Variants in RABGAP1L observed in about 807,000 individuals in gnomAD.
RABGAP1L encodes the protein RAB GTPase activating protein 1 like.
RABGAP1L carries 63 observed loss-of-function variants against 137.7 expected under a neutral mutation model. That is an observed-to-expected ratio of 0.46 (90% confidence interval 0.37 to 0.56). The LOEUF (loss-of-function observed/expected upper bound fraction) is 0.56. Among genes scored for constraint, RABGAP1L ranks in the 20% least tolerant of loss-of-function variants. RABGAP1L has a pLI of 0.00. For missense variants in RABGAP1L, 1,095 were observed against 1,244.0 expected (o/e 0.88, Z 1.80); for synonymous variants, 431 against 433.7 (o/e 0.99, Z 0.08).
At chr1:174,623,193 A>G (rs575187051) in intron 13 of RABGAP1L, among the ~76,000 whole-genome samples, 3 of 152,214 alleles carry the variant, frequency 2.0e-5, no homozygotes, top group South Asian at 2.1e-4. Flanking sequence ...TATGAATAAT[A>G]TTTTGTTAAT....
chr1:174,585,252 T>G (rs1179421461), intron 13 of RABGAP1L, among the ~76,000 whole-genome samples: 2 of 152,194 alleles, frequency 1.3e-5, no homozygotes, highest in Non-Finnish European at 2.9e-5. Flanking sequence ...GTATTGATTC[T>G]AGGGCAATAC....
intron 19 of RABGAP1L, among the ~76,000 whole-genome samples, chr1:174,868,921 G>A (rs967460263): frequency 1.3e-5 from 2 of 151,768 alleles, no homozygotes; most frequent in African/African-American, 4.8e-5. Flanking sequence ...AGATTTAGTT[G>A]TTTATGGAAA....
chr1:174,454,223 A>G (rs1334439705), intron 13 of RABGAP1L, among the ~76,000 whole-genome samples: 1 of 151,926 alleles, frequency 6.6e-6, no homozygotes, highest in South Asian at 2.1e-4. Flanking sequence ...AGATCGCACC[A>G]CTGCACTCCA....
chr1:174,779,850 G>C (rs1686818994), intron 18 of RABGAP1L, among the ~76,000 whole-genome samples: 1 of 151,946 alleles, frequency 6.6e-6, no homozygotes, highest in African/African-American at 2.4e-5. Context: ...TGGATCACCT[G>C]AGGTCAGGAG....
intron 17 of RABGAP1L, among the ~76,000 whole-genome samples, chr1:174,746,779 T>G (rs141915768): frequency 0.026 from 3,890 of 152,368 alleles, 70 homozygotes; most frequent in Non-Finnish European, 0.037. Flanking sequence ...TTGATTTCTC[T>G]AAATCTTGAT....
At chr1:174,550,985 T>TATATATATACATATGTATATATAC (rs1558334277) in intron 13 of RABGAP1L, among the ~76,000 whole-genome samples, 5 of 92,680 alleles carry the variant, frequency 5.4e-5, no homozygotes, top group African/African-American at 4.2e-4. Context: ...TATATATACA[T>TATATATATACATATGTATATATAC]ATATATATAT....
Position 174,250,522 on chromosome 1 carries a change from C to T in RABGAP1L, c.765C>T (p.Ser255=), listed in dbSNP as rs947266027. The T allele has an allele frequency of 6.8e-6, 11 of 1,613,088 alleles. No individual in the cohort carries two copies. The highest frequency in any genetic ancestry group is 9.3e-6 in the Non-Finnish European group (11 of 1,179,342). Residue 255 remains serine (S), a synonymous_variant, in exon 6 of 26, where the codon TCC becomes TCT. Transcript: ENST00000681986. ...YSFCTAFKRS[S]RQVSDVKDSV... ...TCTGTACAGCATTCAAACGTTCTTC[C>T]AGACAAGTGTCTGATGTTAAAGACT...
chr1:174,810,031 T>C (rs1223723785), intron 18 of RABGAP1L, among the ~76,000 whole-genome samples: 1 of 152,222 alleles, frequency 6.6e-6, no homozygotes, highest in African/African-American at 2.4e-5. Flanking sequence ...TTACCACTGT[T>C]AGCCTAGCTC....
intron 17 of RABGAP1L, among the ~76,000 whole-genome samples, chr1:174,747,576 G>A (rs1482523290): frequency 6.6e-6 from 1 of 152,012 alleles, no homozygotes; most frequent in African/African-American, 2.4e-5. Flanking sequence ...CTTCATATAA[G>A]CAGATATAGT....
chr1:174,624,633 A>G (rs944820673), intron 13 of RABGAP1L, among the ~76,000 whole-genome samples: 1 of 152,198 alleles, frequency 6.6e-6, no homozygotes, highest in African/African-American at 2.4e-5. Context: ...TAATCCAGAA[A>G]AATATTGGAA....
intron 13 of RABGAP1L, among the ~76,000 whole-genome samples, chr1:174,472,197 G>C (rs1256153739): frequency 6.6e-6 from 1 of 152,204 alleles, no homozygotes; most frequent in African/African-American, 2.4e-5. Context: ...GACTGAGACT[G>C]AGACAGAGAC....
At chr1:174,468,179 G>A (rs569579018) in intron 13 of RABGAP1L, among the ~76,000 whole-genome samples, 2 of 151,976 alleles carry the variant, frequency 1.3e-5, no homozygotes, top group South Asian at 4.2e-4. Context: ...TTATACCACT[G>A]TATTTTAACA....
chr1:174,946,202 C>T (rs948828419), intron 19 of RABGAP1L, among the ~76,000 whole-genome samples: 5 of 152,142 alleles, frequency 3.3e-5, no homozygotes, highest in Admixed American at 2.6e-4. Context: ...AGCTGATTAG[C>T]TCAGTTAACT....
intron 13 of RABGAP1L, among the ~76,000 whole-genome samples, chr1:174,476,281 T>C (rs1470708603): frequency 2.0e-5 from 3 of 152,170 alleles, no homozygotes; most frequent in Non-Finnish European, 4.4e-5. Context: ...TGTATTAATT[T>C]TGTTAATAAG....
At chr1:174,661,837 C>T (rs148953638) in intron 14 of RABGAP1L, among the ~76,000 whole-genome samples, 18 of 152,174 alleles carry the variant, frequency 1.2e-4, no homozygotes, top group African/African-American at 2.2e-4. Flanking sequence ...AACATTATAG[C>T]GCAACACATT....
chr1:174,602,243 T>TA (rs1272244072), intron 13 of RABGAP1L, among the ~76,000 whole-genome samples: 4 of 152,208 alleles, frequency 2.6e-5, no homozygotes, highest in African/African-American at 4.8e-5. Flanking sequence ...TAATTGGACT[T>TA]ACAGTTCCAC....
chr1:174,607,605 A>G (rs1670883747), intron 13 of RABGAP1L, among the ~76,000 whole-genome samples: 1 of 152,200 alleles, frequency 6.6e-6, no homozygotes, highest in South Asian at 2.1e-4. Flanking sequence ...AATTTGCTGC[A>G]TTTGTGAAAA....
chr1:174,764,678 A>G (rs1276983860), intron 18 of RABGAP1L, among the ~76,000 whole-genome samples: 1 of 152,154 alleles, frequency 6.6e-6, no homozygotes, highest in Non-Finnish European at 1.5e-5. Flanking sequence ...TGGCACAATC[A>G]TAGCTCATTG....
intron 17 of RABGAP1L, among the ~76,000 whole-genome samples, chr1:174,721,465 A>G (rs1167924490): frequency 6.6e-6 from 1 of 152,166 alleles, no homozygotes; most frequent in Non-Finnish European, 1.5e-5. Flanking sequence ...ATTTTTCTCA[A>G]GGCTTTCTTG....
Sources: gnomAD v4.1 joint callset for allele counts (sites outside exome capture counted in the v4.1 genomes callset) on GRCh38, gnomAD v4.1.1 for gene constraint, MANE v1.5 for transcripts, NCBI Gene and HGNC (gene_info 2026-07-23, HGNC 2026-07-21) for gene names.